Variants in DISP3 observed in about 807,000 individuals in gnomAD.
DISP3 encodes dispatched RND transporter family member 3.
In DISP3, 101 loss-of-function variants were observed where a neutral mutation model predicts 135.3. That is an observed-to-expected ratio of 0.75 (90% confidence interval 0.64 to 0.88). The LOEUF is 0.88. Among genes scored for constraint, DISP3 ranks in the 40% least tolerant of loss-of-function variants. The pLI is 0.00. For synonymous variants in DISP3, 856 were observed against 817.0 expected, an observed-to-expected ratio of 1.05 and a Z score of -0.81; for missense variants, 1,713 against 1,878.6, an observed-to-expected ratio of 0.91 and a Z score of 1.63.
At position 11,499,464 on chromosome 1, in the gene DISP3, C is replaced by T. The variant is rs75608508; in HGVS notation, c.-3-1526C>T. ...CCTCCAGTGCGAATACAAATCGGGA[C>T]TCAGAGCAGTTACCATCCCCTCGGC... is the stretch of plus-strand genomic sequence containing the variant. On this transcript the variant is annotated intron_variant, in intron 1 of 20. Coordinates refer to ENST00000294484, the MANE Select transcript of DISP3 (RefSeq NM_020780.2). This position sits in a 1 kb window ranked among gnomAD's most constrained non-coding sequence, Gnocchi z 5.2. 0.017 allele frequency among the ~76,000 whole-genome samples: 2,530 copies of T among 152,266 alleles called. 29 individuals are homozygous for T. The highest frequency in any genetic ancestry group is 0.026 in the Non-Finnish European group (1,785 of 68,022).
chr1:11,522,684 G>GCCAGGA (rs1642253467), intron 10 of DISP3, among the ~76,000 whole-genome samples: 2 of 47,170 alleles, frequency 4.2e-5, no homozygotes, highest in African/African-American at 8.6e-5. Context: ...CCCAGCCAGA[G>GCCAGGA]CCCAGCCAGG....
chr1:11,522,220 G>A (rs182442660), intron 10 of DISP3, among the ~76,000 whole-genome samples: 3 of 152,268 alleles, frequency 2.0e-5, no homozygotes, highest in Non-Finnish European at 2.9e-5. Flanking sequence ...ATGAGAAGAC[G>A]CCTGGGTGAG....
chr1:11,489,819 C>T (rs372368843), intron 1 of DISP3, among the ~76,000 whole-genome samples: 28 of 152,142 alleles, frequency 1.8e-4, no homozygotes, highest in African/African-American at 6.0e-4. Context: ...CTCCCTTGCC[C>T]CCAAGCTTGA....
At chr1:11,479,578 T>G (rs1404940335) in intron 1 of DISP3, among the ~76,000 whole-genome samples, 1 of 152,154 alleles carries the variant, frequency 6.6e-6, no homozygotes, top group African/African-American at 2.4e-5. Flanking sequence ...AACCCAAGCT[T>G]GCCCTCTACG....
At chr1:11,522,952 A>AGCC (rs879602391) in intron 10 of DISP3, among the ~76,000 whole-genome samples, 52,931 of 121,996 alleles carry the variant, frequency 0.43, 23,420 homozygotes, top group Admixed American at 0.49. Context: ...GCCAGAGCCC[A>AGCC]ACCAGGACCC....
Position 11,520,618 on chromosome 1 carries a change from C to T in DISP3, c.2201-69C>T, listed in dbSNP as rs894108038. The T allele has an allele frequency of 1.9e-6, 3 of 1,544,360 alleles. No individual in the cohort carries two copies. The highest frequency in any genetic ancestry group is 1.8e-6 in the Non-Finnish European group (2 of 1,134,978). On this transcript the variant is annotated intron_variant, in intron 9 of 20. Coordinates refer to ENST00000294484, the MANE Select transcript of DISP3 (RefSeq NM_020780.2). This position sits in a 1 kb window ranked among gnomAD's most constrained non-coding sequence, Gnocchi z 4.8. ...CAACCAGAGCAGTTGTCTCCCGGCA[C>T]TTTGGAGCCCCACTGGGAACAGACC...
At chr1:11,522,598 C>T in intron 10 of DISP3, among the ~76,000 whole-genome samples, 1 of 119,938 alleles carries the variant, frequency 8.3e-6, no homozygotes, top group South Asian at 2.7e-4. Flanking sequence ...CAGCCAGGAC[C>T]CAGCCAGAGC....
chr1:11,520,881 C>G lies in DISP3; in HGVS notation c.2362+33C>G. On this transcript the variant is annotated intron_variant, in intron 10 of 20. Transcript: ENST00000294484. This position sits in a 1 kb window ranked among gnomAD's most constrained non-coding sequence, Gnocchi z 4.8. Reference sequence around the variant, plus strand: ...TTCTAGCCAGGCTGTCCCTGGCCCGCTCAGGTGTCCGGGTCCCAAAGACTG... The same window carrying G: ...TTCTAGCCAGGCTGTCCCTGGCCCGGTCAGGTGTCCGGGTCCCAAAGACTG... The G allele has an allele frequency of 6.4e-7, 1 of 1,553,840 alleles. No individual in the cohort carries two copies. The highest frequency in any genetic ancestry group is 8.7e-7 in the Non-Finnish European group (1 of 1,147,474).
In DISP3 at chr1:11,515,349, G is replaced by C. The variant is rs781768626; in HGVS notation, c.1454-20G>C. On this transcript the variant is annotated intron_variant, in intron 4 of 20. Coordinates refer to ENST00000294484, the MANE Select transcript of DISP3 (RefSeq NM_020780.2). ...ATGAGGGTCCCCCCACCGTCTCCCT[G>C]TGTCTCTTACCCTGCCCAGTGTTCC... 6.2e-7 allele frequency: 1 copy of C among 1,614,084 alleles called. No homozygotes were observed. Among genetic ancestry groups the C allele is most frequent in the Non-Finnish European group, 8.5e-7 (1 of 1,179,930 alleles).
At chr1:11,533,602 C>T (rs1642628492) in intron 17 of DISP3, 2 of 610,336 alleles carry the variant, frequency 3.3e-6, no homozygotes, top group African/African-American at 3.7e-5. Flanking sequence ...CATGTTGCAG[C>T]AAGTGTCAGA....
intron 1 of DISP3, among the ~76,000 whole-genome samples, chr1:11,488,530 A>G (rs1361952285): frequency 2.0e-5 from 3 of 152,036 alleles, no homozygotes; most frequent in Admixed American, 2.0e-4. Flanking sequence ...GTGGTGGGGA[A>G]CTTGAAGGTC....
intron 1 of DISP3, among the ~76,000 whole-genome samples, chr1:11,492,562 C>G (rs1387068916): frequency 5.3e-5 from 8 of 152,154 alleles, no homozygotes; most frequent in Non-Finnish European, 7.3e-5. Context: ...CTCTCCCCAC[C>G]CCCACCTGGG....
intron 1 of DISP3, among the ~76,000 whole-genome samples, chr1:11,492,420 C>T (rs1641215675): frequency 6.6e-6 from 1 of 152,114 alleles, no homozygotes; most frequent in South Asian, 2.1e-4. Flanking sequence ...TTCGAGTCAG[C>T]GCCCATAGTT....
At chr1:11,503,524 G>C (rs190130962) in intron 3 of DISP3, among the ~76,000 whole-genome samples, 1 of 152,134 alleles carries the variant, frequency 6.6e-6, no homozygotes, top group African/African-American at 2.4e-5. Flanking sequence ...GCCAGAGAGC[G>C]TAGAGTTTTG....
At chr1:11,502,927 C>T in intron 3 of DISP3, 30 bp downstream of exon 3, 1 of 1,555,134 alleles carries the variant, frequency 6.4e-7, no homozygotes, top group Non-Finnish European at 8.8e-7. Context: ...CCTGTGTGTG[C>T]ATGCCCATTT....
intron 1 of DISP3, among the ~76,000 whole-genome samples, chr1:11,486,152 C>T (rs1021375747): frequency 2.6e-5 from 4 of 152,214 alleles, no homozygotes. Context: ...TGCTGGCTTT[C>T]ATCCAGATGT....
rs939930074 is a variant in DISP3 at position 11,529,274 on chromosome 1, C to G, written c.2799-282C>G. ...TTGAAAGCTGCTGGTCTTCTCCACC[C>G]TTCATGACTCCTATGGGGAGACTGA... On this transcript the variant is annotated intron_variant, in intron 13 of 20. Transcript: ENST00000294484. The surrounding 1 kb of genome is among the most constrained non-coding windows in gnomAD (Gnocchi z 4.7). Among the ~76,000 whole-genome samples the G allele has an allele frequency of 6.6e-6, 1 of 152,230 alleles. No individual in the cohort carries two copies.
rs1241153499 is a variant in DISP3, at chr1:11,529,459, C to G, written c.2799-97C>G. ...CAGAGCCCGAGTCCAGACCCCATGA[C>G]ACCCCAGCCCCAGTCCCAACCCTGG... is the stretch of plus-strand genomic sequence containing the variant. On this transcript the variant is annotated intron_variant, in intron 13 of 20. Coordinates refer to ENST00000294484, the MANE Select transcript of DISP3 (RefSeq NM_020780.2). This position sits in a 1 kb window ranked among gnomAD's most constrained non-coding sequence, Gnocchi z 4.7. The G allele has an allele frequency of 7.2e-7, 1 of 1,397,672 alleles. No individual in the cohort carries two copies. The highest frequency in any genetic ancestry group is 1.4e-5 in the African/African-American group (1 of 69,058). 86.6% of individuals were successfully genotyped at this position (1,397,672 alleles called of 1,614,324 possible).
At chr1:11,506,094 T>A (rs1188796510) in intron 3 of DISP3, among the ~76,000 whole-genome samples, 1 of 152,258 alleles carries the variant, frequency 6.6e-6, no homozygotes, top group Non-Finnish European at 1.5e-5. Context: ...GTCTTCTGAC[T>A]TCCATCATTT....
Sources: allele counts gnomAD v4.1 joint callset (sites outside exome capture counted in the v4.1 genomes callset), GRCh38; gene constraint gnomAD v4.1.1; non-coding constraint Gnocchi (gnomAD v3.1); transcripts MANE v1.5; gene names NCBI Gene and HGNC (gene_info 2026-07-23, HGNC 2026-07-21).